PSD4: variants seen among roughly 807,000 people sequenced by gnomAD.
PSD4 encodes the protein PH and SEC7 domain-containing protein 4.
Under a neutral mutation model 112.5 loss-of-function variants are expected in PSD4, and 59 were observed. The ratio of observed to expected loss-of-function variants is 0.52; its 90% CI spans 0.43 to 0.65. The LOEUF (loss-of-function observed/expected upper bound fraction) is 0.65. Ranked by LOEUF, PSD4 falls within the 30% of genes least tolerant of loss-of-function variation. PSD4 has a pLI of 0.00. For synonymous variants in PSD4, 533 were observed against 540.0 expected (o/e 0.99, Z 0.18); for missense variants, 1,267 against 1,352.6 (o/e 0.94, Z 0.99).
intron 10 of PSD4, among the ~76,000 whole-genome samples, chr2:113,194,385 C>A (rs556290498): frequency 6.6e-6 from 1 of 152,304 alleles, no homozygotes; most frequent in South Asian, 2.1e-4. Flanking sequence ...GAGTATTAAC[C>A]ACTTACCATG....
Position 113,193,908 on chromosome 2 carries a change from G to A in PSD4, c.2141G>A (p.Gly714Glu), listed in dbSNP as rs562369771. 1.1e-5 allele frequency: 18 copies of A among 1,614,182 alleles called. 1 individual carries two copies. In the Admixed American group the frequency reaches 1.8e-4, roughly 16 times the overall value. ...CAGGAATTCATAACCAACCTGAATGGGCTGAGGGATGGCGGGAACTTCCCC... is the reference window on the plus strand; with the variant it reads ...CAGGAATTCATAACCAACCTGAATGAGCTGAGGGATGGCGGGAACTTCCCC... ...SCQEFITNLNGLRDGGNFPKE... is the reference protein window; with the variant it reads ...SCQEFITNLNELRDGGNFPKE... Residue 714 changes from glycine to glutamate, a missense_variant, in exon 10 of 17, where the codon GGG (glycine) becomes GAG (glutamate). Physicochemically the swap from Gly to Glu is moderately conservative, Grantham distance 98. Around this residue, in one of 2 missense-constraint regions of PSD4, gnomAD observed 544 missense variants for 648.6 expected, o/e 0.84. Transcript: ENST00000245796.
rs748989249 is a variant in PSD4, at chr2:113,182,873, T to C, written c.417T>C (p.His139=). The C allele has an allele frequency of 1.5e-5, 25 of 1,613,988 alleles. No homozygotes were observed. Among genetic ancestry groups the C allele is most frequent in the Non-Finnish European group, 2.0e-5 (24 of 1,180,006 alleles). ...TASPGSPVNS[H]LPGSPKQNRS... ...CACCAGGGTCACCAGTGAACAGCCA[T>C]CTACCGGGGAGCCCAAAGCAGAACC... is the stretch of plus-strand genomic sequence containing the variant. The change falls in exon 2 of 17, where the codon CAT becomes CAC. Residue 139 remains histidine (H), a synonymous_variant. Transcript: ENST00000245796.
In PSD4 at chr2:113,209,105, GCTT is replaced by G. The variant is rs1282041140; in HGVS notation, c.*7696_*7698del. 1.3e-5 allele frequency: 2 copies of G among 152,152 alleles called. No individual in the cohort carries two copies. Among genetic ancestry groups the G allele is most frequent in the African/African-American group, 4.8e-5 (2 of 41,438 alleles). 9.4% of individuals were successfully genotyped at this position (152,152 alleles called of 1,614,324 possible). On this transcript the variant is annotated 3_prime_UTR_variant, in exon 17 of 17. Transcript: ENST00000245796. ...AGAGTCAAGTACTAGAAAAAGTTTT[GCTT>G]CTTCTAAGAGCTGGTACATTGCCCT...
chr2:113,185,672 G>T (rs1340362039), intron 4 of PSD4: 1 of 1,547,940 alleles, frequency 6.5e-7, no homozygotes, highest in Non-Finnish European at 8.7e-7. Context: ...CAAAGGTCCT[G>T]AGCCCTTAGT....
intron 16 of PSD4, among the ~76,000 whole-genome samples, chr2:113,200,387 G>A (rs1452161438): frequency 6.6e-6 from 1 of 152,176 alleles, no homozygotes; most frequent in Non-Finnish European, 1.5e-5. Context: ...GGAAGTGGGA[G>A]TCAACATCGC....
Position 113,197,631 on chromosome 2 carries a change from G to T in PSD4, c.2454G>T (p.Leu818=). ...TGCGAGGGATGGTTCTCTACTTCCT[G>T]AAGGTAGGAAAGGAGCCAACACCCC... The part of the protein sequence containing the change: ...TLLRGMVLYF[L]KQGEDHCLEG... Residue 818 remains leucine, a synonymous_variant, in exon 13 of 17, where the codon CTG becomes CTT. Coordinates refer to ENST00000245796, the MANE Select transcript of PSD4 (RefSeq NM_012455.3). 2 of 1,614,244 alleles carry T rather than the reference G, an allele frequency of 1.2e-6. No homozygotes were observed. The highest frequency in any genetic ancestry group is 8.5e-7 in the Non-Finnish European group (1 of 1,180,022).
In PSD4 at chr2:113,183,305, C is replaced by T. The variant is rs151113229; in HGVS notation, c.849C>T (p.Ser283=). 2.5e-4 allele frequency: 396 copies of T among 1,610,962 alleles called. 1 individual carries two copies. The highest frequency in any genetic ancestry group is 3.1e-4 in the Non-Finnish European group (369 of 1,178,126). Residue 283 remains serine, a synonymous_variant, in exon 2 of 17, where the codon AGC becomes AGT. Coordinates refer to ENST00000245796, the MANE Select transcript of PSD4 (RefSeq NM_012455.3). ...CAGGTGTGAGGACTGGACCTGAGAG[C>T]CCAGCGACTCTGGAGCCTCCCCTCC... ...SHAGVRTGPE[S]PATLEPPLPE...
rs979093610 is a variant in PSD4, at chr2:113,202,310, C to T, written c.*895C>T. 1.2e-4 allele frequency: 19 copies of T among 152,350 alleles called. No homozygotes were observed. The highest frequency in any genetic ancestry group is 4.1e-4 in the South Asian group (2 of 4,834). The allele number at this position is 152,350 out of a possible 1,614,324, so 9.4% of individuals were successfully genotyped here. On this transcript the variant is annotated 3_prime_UTR_variant, in exon 17 of 17. Transcript: ENST00000245796. ...GAGAGGATAGAGAGGTAAAAGGTGG[C>T]GACAGTTTCCCTTAGGGGTCTGCCT...
chr2:113,192,204 C>G (rs1488328082), intron 5 of PSD4, among the ~76,000 whole-genome samples, 176 bp from the exon 6 acceptor site: 1 of 152,022 alleles, frequency 6.6e-6, no homozygotes, highest in Non-Finnish European at 1.5e-5. Context: ...TCTCGGGGTT[C>G]TCCTGGTCCC....
chr2:113,203,550 C>CTTTTTTTTTTTT lies in PSD4; in HGVS notation c.*2154_*2165dup, dbSNP rs1358297259. ...TATTTGACCTCACTGAACATGCATCCTTTTTTTTTTTTTTTTTTTTTTTTT... is the reference window on the plus strand; with the variant it reads ...TATTTGACCTCACTGAACATGCATCCTTTTTTTTTTTTTTTTTTTTTTTTTTTTTTTTTTTTT... On this transcript the variant is annotated 3_prime_UTR_variant, in exon 17 of 17. Transcript: ENST00000245796. 1.0e-5 allele frequency: 1 copy of CTTTTTTTTTTTT among 100,050 alleles called. No homozygotes were observed. Among genetic ancestry groups the CTTTTTTTTTTTT allele is most frequent in the African/African-American group, 4.3e-5 (1 of 23,086 alleles). The allele number at this position is 100,050 out of a possible 1,614,324, so 6.2% of individuals were successfully genotyped here. A position where few individuals can be genotyped will look rare whatever the true frequency, so the allele number is the denominator to read the frequency against.
At position 113,182,963 on chromosome 2, in the gene PSD4, C is replaced by T. The variant is rs757039236; in HGVS notation, c.507C>T (p.Asp169=). The change falls in exon 2 of 17, where the codon GAC becomes GAT. Residue 169 remains aspartate, a synonymous_variant. Coordinates refer to ENST00000245796, the MANE Select transcript of PSD4 (RefSeq NM_012455.3). The part of the protein sequence containing the change: ...GILQAQMCVL[D]LEEELEKTEG... ...TGCAGGCCCAGATGTGTGTCCTAGA[C>T]CTGGAGGAGGAGCTGGAGAAGACGG... 2 of 1,614,068 alleles carry T rather than the reference C, an allele frequency of 1.2e-6. No individual in the cohort carries two copies. The highest frequency in any genetic ancestry group is 2.2e-5 in the East Asian group (1 of 44,884).
Position 113,207,613 on chromosome 2 carries a change from T to A in PSD4, c.*6198T>A, listed in dbSNP as rs1055339317. On this transcript the variant is annotated 3_prime_UTR_variant, in exon 17 of 17. Transcript: ENST00000245796. Reference sequence around the variant, plus strand: ...CTGGGACTACAGGCGCCCGCTACCATGCCCGGCTAATTTTTTTGTATTTTT... The same window carrying A: ...CTGGGACTACAGGCGCCCGCTACCAAGCCCGGCTAATTTTTTTGTATTTTT... 6.7e-6 allele frequency: 1 copy of A among 149,542 alleles called. No homozygotes were observed. The allele number at this position is 149,542 out of a possible 1,614,324, so 9.3% of individuals were successfully genotyped here.
At chr2:113,198,615 T>C in intron 14 of PSD4, 125 bp from the exon 15 acceptor site, 1 of 1,196,428 alleles carries the variant, frequency 8.4e-7, no homozygotes, top group Non-Finnish European at 1.1e-6. Flanking sequence ...GTGGCAGGGC[T>C]GTAACTATGG....
chr2:113,182,091 TA>T (rs527450587), intron 1 of PSD4, among the ~76,000 whole-genome samples: 470 of 152,342 alleles, frequency 3.1e-3, no homozygotes, highest in South Asian at 7.9e-3. Flanking sequence ...TCTTTTCAGC[TA>T]AGCCACATGG....
intron 5 of PSD4, among the ~76,000 whole-genome samples, chr2:113,190,176 G>C (rs45493999): frequency 6.6e-6 from 1 of 152,098 alleles, no homozygotes; most frequent in Non-Finnish European, 1.5e-5. Flanking sequence ...AATACATCTC[G>C]AGTTGTTTTT....
intron 16 of PSD4, 119 bp downstream of exon 16, chr2:113,199,345 CG>C (rs1000197740): frequency 8.2e-5 from 101 of 1,228,040 alleles, no homozygotes; most frequent in Non-Finnish European, 1.0e-4. Context: ...GAGGCGCTTG[CG>C]TGCGGGCGGG....
intron 14 of PSD4, chr2:113,198,315 G>A (rs1275656978): frequency 4.4e-6 from 1 of 226,940 alleles, no homozygotes; most frequent in Non-Finnish European, 8.5e-6. Flanking sequence ...CTGTCGTCCT[G>A]GCTGGAGTGC....
chr2:113,194,744 A>G (rs2104505686), intron 10 of PSD4, among the ~76,000 whole-genome samples: 1 of 152,384 alleles, frequency 6.6e-6, no homozygotes, highest in African/African-American at 2.4e-5. Flanking sequence ...AAGGTACAAT[A>G]AACACATGAT....
intron 1 of PSD4, among the ~76,000 whole-genome samples, chr2:113,177,139 T>A (rs1052046913): frequency 1.3e-5 from 2 of 152,216 alleles, no homozygotes; most frequent in Non-Finnish European, 2.9e-5. Context: ...GCTGACCTGG[T>A]AGGAACCTAC....
Sources: gnomAD v4.1 joint callset for allele counts (sites outside exome capture counted in the v4.1 genomes callset) on GRCh38, gnomAD v4.1.1 for gene constraint, gnomAD v4.1.1 regional missense constraint, MANE v1.5 for transcripts, NCBI Gene and HGNC (gene_info 2026-07-23, HGNC 2026-07-21) for gene names.